Variants in TRAPPC9 observed in about 807,000 individuals in gnomAD.
TRAPPC9 encodes the protein trafficking protein particle complex subunit 9.
A neutral mutation model predicts 124.0 loss-of-function variants in TRAPPC9; 83 were observed. The ratio of observed to expected loss-of-function variants is 0.67; its 90% CI spans 0.56 to 0.80. The LOEUF is 0.80. Among genes scored for constraint, TRAPPC9 ranks in the 30% least tolerant of loss-of-function variants. TRAPPC9 has a pLI of 0.00. For synonymous variants in TRAPPC9, 638 were observed against 617.5 expected (o/e 1.03, Z -0.49); for missense variants, 1,302 against 1,508.3 (o/e 0.86, Z 2.27).
intron 17 of TRAPPC9, among the ~76,000 whole-genome samples, chr8:140,207,945 A>G (rs1357235137): frequency 6.6e-6 from 1 of 152,172 alleles, no homozygotes; most frequent in Non-Finnish European, 1.5e-5. Flanking sequence ...TGAGGTCAGG[A>G]GTTTGAGACC....
intron 11 of TRAPPC9, among the ~76,000 whole-genome samples, chr8:140,292,448 C>G (rs1319843082): frequency 1.3e-5 from 2 of 152,210 alleles, no homozygotes; most frequent in African/African-American, 4.8e-5. Context: ...GGCTTCTTCT[C>G]TAGCAGATAA....
chr8:139,820,684 G>C lies in TRAPPC9; in HGVS notation c.3055+65195C>G, dbSNP rs948459906. ...ATATCTTAAAGCCATTACGACAAAA[G>C]GGCATGGCATTAGCACAGCAGTCTT... On this transcript the variant is annotated intron_variant, in intron 21 of 22. Transcript: ENST00000438773. Among the ~76,000 whole-genome samples, 159 of 152,254 alleles carry C rather than the reference G, an allele frequency of 1.0e-3. 1 individual carries two copies. Among genetic ancestry groups the C allele is most frequent in the African/African-American group, 3.6e-3 (151 of 41,542 alleles).
At chr8:140,023,198 C>T (rs946865286) in intron 18 of TRAPPC9, among the ~76,000 whole-genome samples, 4 of 152,198 alleles carry the variant, frequency 2.6e-5, no homozygotes, top group African/African-American at 4.8e-5. Flanking sequence ...GCTGGCACTA[C>T]GGAGGAATGG....
At chr8:140,405,288 T>A (rs764567430) in intron 6 of TRAPPC9, 3 of 293,310 alleles carry the variant, frequency 1.0e-5, no homozygotes, top group Non-Finnish European at 1.9e-5. Context: ...TATACATTGA[T>A]AAAAGAACCA....
intron 19 of TRAPPC9, among the ~76,000 whole-genome samples, chr8:139,928,942 C>T (rs1283293065): frequency 1.3e-5 from 2 of 152,004 alleles, no homozygotes; most frequent in East Asian, 3.9e-4. Flanking sequence ...GTCCCTAAGA[C>T]AACGCCTTGC....
chr8:140,139,596 T>A (rs956973062), intron 17 of TRAPPC9, among the ~76,000 whole-genome samples: 1 of 151,932 alleles, frequency 6.6e-6, no homozygotes, highest in East Asian at 1.9e-4. Flanking sequence ...GGTAGTCCAG[T>A]GAAAAATGTG....
chr8:139,858,809 C>T (rs1827957197), intron 21 of TRAPPC9, among the ~76,000 whole-genome samples: 1 of 149,254 alleles, frequency 6.7e-6, no homozygotes, highest in Non-Finnish European at 1.5e-5. Context: ...CCACTGCGAC[C>T]GGGACTGTGA....
At position 140,122,023 on chromosome 8, in the gene TRAPPC9, T is replaced by TCTCTCTCTC. The variant is rs1563777112; in HGVS notation, c.2557-97945_2557-97944insGAGAGAGAG. Reference sequence around the variant, plus strand: ...GGAGTCCATCTCTTTCTTTCTTTCTTTCTCTCTCTCTCTCTCTCTCTCTCT... The same window carrying TCTCTCTCTC: ...GGAGTCCATCTCTTTCTTTCTTTCTTCTCTCTCTCTCTCTCTCTCTCTCTCTCTCTCTCT... On this transcript the variant is annotated intron_variant, in intron 17 of 22. Coordinates refer to ENST00000438773, the MANE Select transcript of TRAPPC9 (RefSeq NM_001160372.4). Among the ~76,000 whole-genome samples, 1,124 of 138,450 alleles carry TCTCTCTCTC rather than the reference T, an allele frequency of 8.1e-3. 8 individuals are homozygous for TCTCTCTCTC. The highest frequency in any genetic ancestry group is 0.015 in the Middle Eastern group (4 of 260). The allele number at this position is 138,450 out of a possible 152,430, so 90.8% of individuals were successfully genotyped here. A position where few individuals can be genotyped will look rare whatever the true frequency, so the allele number is the denominator to read the frequency against.
intron 7 of TRAPPC9, among the ~76,000 whole-genome samples, chr8:140,395,198 T>C (rs1202767130): frequency 2.0e-5 from 3 of 152,192 alleles, no homozygotes; most frequent in Non-Finnish European, 4.4e-5. Flanking sequence ...TCCCTCATAC[T>C]ACGTGGCCTA....
chr8:140,342,767 A>AAT lies in TRAPPC9; in HGVS notation c.1495+17281_1495+17282dup, dbSNP rs3069389. 4.5e-4 allele frequency among the ~76,000 whole-genome samples: 69 copies of AAT among 152,348 alleles called. No individual in the cohort carries two copies. The East Asian group carries it at 0.013, about 29-fold the overall frequency. On this transcript the variant is annotated intron_variant, in intron 9 of 22. Transcript: ENST00000438773. ...CGCATGTCAGGAATGAAAAATAGGAAATATATATACATATATCCTTGGCAA... is the reference window on the plus strand; with the variant it reads ...CGCATGTCAGGAATGAAAAATAGGAAATATATATATACATATATCCTTGGCAA...
chr8:140,425,501 G>C (rs2070389665), intron 5 of TRAPPC9, among the ~76,000 whole-genome samples: 1 of 152,136 alleles, frequency 6.6e-6, no homozygotes, highest in South Asian at 2.1e-4. Context: ...ATCTTGAAAA[G>C]CGTCGGAAAT....
At chr8:139,964,105 T>TCA (rs2060414426) in intron 19 of TRAPPC9, among the ~76,000 whole-genome samples, 1 of 151,376 alleles carries the variant, frequency 6.6e-6, no homozygotes, top group Non-Finnish European at 1.5e-5. Flanking sequence ...GCACCTGTAG[T>TCA]CCCAGCTACT....
chr8:139,958,825 T>G (rs1306338706), intron 19 of TRAPPC9, among the ~76,000 whole-genome samples: 1 of 152,266 alleles, frequency 6.6e-6, no homozygotes, highest in Admixed American at 6.5e-5. Flanking sequence ...GTAGACACCA[T>G]GAGATGTGAC....
intron 17 of TRAPPC9, among the ~76,000 whole-genome samples, chr8:140,133,308 C>T (rs1288256455): frequency 6.6e-6 from 1 of 152,230 alleles, no homozygotes; most frequent in Non-Finnish European, 1.5e-5. Context: ...AAAAGATCCA[C>T]ATGATCATCT....
intron 17 of TRAPPC9, among the ~76,000 whole-genome samples, chr8:140,200,903 A>G (rs1329144895): frequency 3.9e-5 from 6 of 152,220 alleles, no homozygotes; most frequent in African/African-American, 1.4e-4. Context: ...GAAAACTGAT[A>G]TGAGGGATAC....
chr8:139,849,151 G>A (rs531820683), intron 21 of TRAPPC9, among the ~76,000 whole-genome samples: 1 of 152,286 alleles, frequency 6.6e-6, no homozygotes, highest in South Asian at 2.1e-4. Context: ...ATTGCATTGA[G>A]CCTTCGTCTA....
intron 21 of TRAPPC9, among the ~76,000 whole-genome samples, chr8:139,847,410 G>A (rs1382408078): frequency 6.6e-6 from 1 of 152,246 alleles, no homozygotes; most frequent in East Asian, 1.9e-4. Context: ...GGGTTCCGGA[G>A]CCAGTTCATC....
intron 19 of TRAPPC9, among the ~76,000 whole-genome samples, chr8:139,928,448 C>T (rs1343428609): frequency 1.3e-5 from 2 of 151,584 alleles, no homozygotes; most frequent in East Asian, 1.9e-4. Flanking sequence ...GCCAAGATGG[C>T]GCCACTGCAC....
Position 140,097,091 on chromosome 8 carries a change from T to G in TRAPPC9, c.2557-73012A>C, listed in dbSNP as rs1054025620. The G allele has an allele frequency of 1.3e-5, 2 of 152,356 alleles. No individual in the cohort carries two copies. The highest frequency in any genetic ancestry group is 2.9e-5 in the Non-Finnish European group (2 of 68,146). The allele number at this position is 152,356 out of a possible 1,614,324, so 9.4% of individuals were successfully genotyped here. ...AGGTCTCAGGTTGCAGGTGGAGCTG[T>G]GTTGCAGTCAGAAGGGGAGGGACCT... On this transcript the variant is annotated intron_variant, in intron 17 of 22. Coordinates refer to ENST00000438773, the MANE Select transcript of TRAPPC9 (RefSeq NM_001160372.4). This position sits in a 1 kb window ranked among gnomAD's most constrained non-coding sequence, Gnocchi z 4.2.
Sources: allele counts gnomAD v4.1 joint callset (sites outside exome capture counted in the v4.1 genomes callset), GRCh38; gene constraint gnomAD v4.1.1; non-coding constraint Gnocchi (gnomAD v3.1); transcripts MANE v1.5; gene names NCBI Gene and HGNC (gene_info 2026-07-23, HGNC 2026-07-21).